DMD: variants seen among roughly 807,000 people sequenced by gnomAD.
The protein encoded by DMD is mutant dystrophin.
DMD carries 63 observed loss-of-function variants against 330.1 expected under a neutral mutation model. The ratio of observed to expected loss-of-function variants is 0.19; its 90% CI spans 0.16 to 0.24. DMD has a LOEUF of 0.24. Ranked by LOEUF, DMD falls within the 10% of genes least tolerant of loss-of-function variation. The probability of loss-of-function intolerance (pLI) is 1.00; values close to 1 mark genes in which losing one functional copy is unlikely to be tolerated. For synonymous variants in DMD, 1,223 were observed against 959.8 expected (o/e 1.27, Z -5.07); for missense variants, 3,344 against 2,684.1 (o/e 1.25, Z -5.43).
intron 29 of DMD, among the ~76,000 whole-genome samples, chrX:32,422,536 C>G (rs1452024135): frequency 1.8e-5 from 2 of 111,479 alleles, no homozygotes; most frequent in Non-Finnish European, 3.8e-5. Context: ...CAGTAGAGTG[C>G]TATGAAATTG....
intron 30 of DMD, among the ~76,000 whole-genome samples, chrX:32,399,319 T>C (rs926498293): frequency 1.8e-5 from 2 of 111,035 alleles, no homozygotes; most frequent in African/African-American, 6.5e-5. Context: ...TGGGAGAAAA[T>C]ATTTCCAAAC....
intron 7 of DMD, among the ~76,000 whole-genome samples, chrX:32,804,378 C>G (rs771377451): frequency 1.1e-4 from 12 of 112,410 alleles, no homozygotes; most frequent in Non-Finnish European, 2.1e-4. Context: ...CTGGGCAGAG[C>G]CCACTGTAGC....
intron 39 of DMD, among the ~76,000 whole-genome samples, chrX:32,344,799 G>C (rs992862290): frequency 8.9e-6 from 1 of 111,904 alleles, no homozygotes; most frequent in Non-Finnish European, 1.9e-5. Context: ...CATACGACCA[G>C]TGTAGATACT....
intron 47 of DMD, among the ~76,000 whole-genome samples, chrX:31,922,533 C>T (rs773325546): frequency 6.1e-5 from 5 of 81,941 alleles, no homozygotes; most frequent in South Asian, 4.4e-4. Flanking sequence ...TGTGCGCGCG[C>T]GTGCGCTAGG....
chrX:33,137,683 G>A lies in DMD; in HGVS notation c.31+73599C>T, dbSNP rs532195022. Among the ~76,000 whole-genome samples the A allele has an allele frequency of 4.5e-5, 5 of 111,532 alleles. 1 individual carries two copies. In the Middle Eastern group the frequency reaches 0.023, roughly 514 times the overall value. ...CTAACAGTGCCTGTATATGGTAAGT[G>A]CTCAATAATTGCTTGATAAATAATA... On this transcript the variant is annotated intron_variant, in intron 1 of 78. Coordinates refer to ENST00000357033, the MANE Select transcript of DMD (RefSeq NM_004006.3).
intron 25 of DMD, among the ~76,000 whole-genome samples, chrX:32,458,622 G>T (rs2098370922): frequency 9.0e-6 from 1 of 111,272 alleles, no homozygotes; most frequent in East Asian, 2.8e-4. Context: ...CACCATAAAA[G>T]AATTCCCTTT....
chrX:32,930,523 C>T (rs1027681781), intron 2 of DMD, among the ~76,000 whole-genome samples: 2 of 110,797 alleles, frequency 1.8e-5, no homozygotes, highest in Non-Finnish European at 3.8e-5. Flanking sequence ...AATCAAGACG[C>T]TTTTAAATGC....
chrX:31,968,230 A>T, intron 45 of DMD, 109 bp downstream of exon 45: 1 of 920,151 alleles, frequency 1.1e-6, no homozygotes, highest in Non-Finnish European at 1.6e-6. Context: ...TAGGTTCTTT[A>T]ATGTTAGTGC....
Position 32,287,762 on chromosome X carries a change from A to AAAAT in DMD, c.6118-62_6118-61insATTT, listed in dbSNP as rs752561336. Reference sequence around the variant, plus strand: ...AATTAGCTGTCTATAGAAAGAGAAAAATATATATATATATACAAATCCCAA... The same window carrying AAAAT: ...AATTAGCTGTCTATAGAAAGAGAAAAAAATATATATATATATATACAAATCCCAA... On this transcript the variant is annotated intron_variant, in intron 42 of 78. Coordinates refer to ENST00000357033, the MANE Select transcript of DMD (RefSeq NM_004006.3). 1.1e-5 allele frequency: 8 copies of AAAAT among 699,179 alleles called. No individual in the cohort carries two copies. In the African/African-American group the frequency reaches 1.8e-4, roughly 16 times the overall value. The allele number at this position is 699,179 out of a possible 1,213,427, so 57.6% of individuals were successfully genotyped here.
intron 61 of DMD, 40 bp downstream of exon 61, chrX:31,348,516 A>T (rs1333071701): frequency 1.8e-6 from 2 of 1,083,343 alleles, no homozygotes; most frequent in Admixed American, 2.2e-5. Context: ...ATTAATCAAG[A>T]TGCAATAAAG....
chrX:32,614,856 T>A, intron 11 of DMD, among the ~76,000 whole-genome samples: 1 of 110,884 alleles, frequency 9.0e-6, no homozygotes, highest in East Asian at 2.8e-4. Context: ...TCCATCCCTG[T>A]GAATATGATC....
At chrX:31,475,929 G>A (rs754781001) in intron 59 of DMD, among the ~76,000 whole-genome samples, 3 of 111,646 alleles carry the variant, frequency 2.7e-5, no homozygotes, top group Non-Finnish European at 3.8e-5. Flanking sequence ...ATAAACAGTT[G>A]TTGAGTGAAT....
chrX:32,416,084 GGAAGA>G (rs1159356447), intron 29 of DMD, among the ~76,000 whole-genome samples: 10 of 111,394 alleles, frequency 9.0e-5, no homozygotes. Flanking sequence ...AAGAAACTCT[GGAAGA>G]GAAAACTCTG....
intron 2 of DMD, among the ~76,000 whole-genome samples, chrX:32,931,003 T>C (rs2089541047): frequency 1.9e-5 from 2 of 107,685 alleles, no homozygotes; most frequent in African/African-American, 6.7e-5. Context: ...TATATATTAT[T>C]TTATACTATA....
At chrX:31,343,148 T>C (rs968269637) in intron 61 of DMD, among the ~76,000 whole-genome samples, 1 of 112,068 alleles carries the variant, frequency 8.9e-6, no homozygotes, top group East Asian at 2.7e-4. Context: ...ACTTTAGTAC[T>C]TTCTTAATCA....
Position 31,348,572 on chromosome X carries a change from A to C in DMD, c.9147T>G (p.Ser3049=). Residue 3049 remains serine, a synonymous_variant, in exon 61 of 79, where the codon TCT becomes TCG. Coordinates refer to ENST00000357033, the MANE Select transcript of DMD (RefSeq NM_004006.3). The stretch of plus-strand genomic sequence containing the variant: ...ATGACTTACTGGAAAGAAAGTGCTG[A>C]GATGCTGGACCAAAGTCCCTGTGGG... ...HEAHRDFGPA[S]QHFLSTSVQG... is the part of the protein sequence containing the mutation. 8.3e-7 allele frequency: 1 copy of C among 1,211,319 alleles called. No individual in the cohort carries two copies. The highest frequency in any genetic ancestry group is 1.8e-5 in the South Asian group (1 of 56,796).
At chrX:32,368,223 A>G (rs1364657231) in intron 34 of DMD, among the ~76,000 whole-genome samples, 1 of 111,842 alleles carries the variant, frequency 8.9e-6, no homozygotes, top group Non-Finnish European at 1.9e-5. Flanking sequence ...ATGAGGAATG[A>G]GGTAATCTTT....
chrX:32,334,668 A>T (rs1001145522), intron 41 of DMD, among the ~76,000 whole-genome samples: 27 of 111,246 alleles, frequency 2.4e-4, no homozygotes, highest in Non-Finnish European at 3.8e-4. Context: ...TGTTCTTCCC[A>T]TTTTTTTCTA....
chrX:31,694,700 A>G lies in DMD; in HGVS notation c.7661-15114T>C, dbSNP rs192458693. Among the ~76,000 whole-genome samples, 5 of 102,716 alleles carry G rather than the reference A, an allele frequency of 4.9e-5. No homozygotes were observed. The East Asian group carries it at 1.5e-3, about 31-fold the overall frequency. 89.2% of individuals were successfully genotyped at this position (102,716 alleles called of 115,157 possible). Reference sequence around the variant, plus strand: ...AACATCTCTAATCATCAAAAAATGCAAATTAAAATCACAATGAGATATCAC... The same window carrying G: ...AACATCTCTAATCATCAAAAAATGCGAATTAAAATCACAATGAGATATCAC... On this transcript the variant is annotated intron_variant, in intron 52 of 78. Transcript: ENST00000357033.
Sources: allele counts gnomAD v4.1 joint callset (sites outside exome capture counted in the v4.1 genomes callset), GRCh38; gene constraint gnomAD v4.1.1; transcripts MANE v1.5; gene names NCBI Gene and HGNC (gene_info 2026-07-23, HGNC 2026-07-21).